The following ANO6 variants were observed in gnomAD, a reference collection of about 807,000 sequenced individuals.
The protein encoded by ANO6 is anoctamin 6, also known as anoctamin-6.
Under a neutral mutation model 117.5 loss-of-function variants are expected in ANO6, and 106 were observed. The ratio of observed to expected loss-of-function variants is 0.90; its 90% CI spans 0.77 to 1.06. ANO6 has a LOEUF of 1.06. ANO6 is among the 50% of genes least tolerant of loss of function. The pLI is 0.00. For missense variants in ANO6, 955 were observed against 1,121.1 expected, an observed-to-expected ratio of 0.85 and a Z score of 2.12; for synonymous variants, 367 against 385.1, an observed-to-expected ratio of 0.95 and a Z score of 0.55.
At chr12:45,333,409 G>C (rs1298678327) in intron 3 of ANO6, among the ~76,000 whole-genome samples, 1 of 151,936 alleles carries the variant, frequency 6.6e-6, no homozygotes, top group Non-Finnish European at 1.5e-5. Flanking sequence ...AATGGATCTG[G>C]ATTGAGCAAT....
At chr12:45,386,929 C>G (rs1294787912) in intron 10 of ANO6, among the ~76,000 whole-genome samples, 2 of 152,216 alleles carry the variant, frequency 1.3e-5, no homozygotes. Context: ...CCGAAACACC[C>G]AGTTAAATGT....
At chr12:45,350,910 GT>G in intron 7 of ANO6, 136 bp downstream of exon 7, 1 of 717,586 alleles carries the variant, frequency 1.4e-6, no homozygotes. Flanking sequence ...GTTGGCCAGG[GT>G]TTTTATTGAG....
intron 1 of ANO6, among the ~76,000 whole-genome samples, chr12:45,258,233 A>T (rs867398901): frequency 2.0e-5 from 3 of 152,338 alleles, no homozygotes; most frequent in Admixed American, 6.5e-5. Context: ...TGTATTCAGT[A>T]TAGTGCCTGA....
At chr12:45,234,641 G>A (rs951456642) in intron 1 of ANO6, among the ~76,000 whole-genome samples, 4 of 152,122 alleles carry the variant, frequency 2.6e-5, no homozygotes, top group Non-Finnish European at 5.9e-5. Flanking sequence ...TTTCGAGCCT[G>A]GTTTCCACTC....
intron 11 of ANO6, among the ~76,000 whole-genome samples, chr12:45,390,045 G>A (rs1032527201): frequency 6.6e-6 from 1 of 152,176 alleles, no homozygotes; most frequent in East Asian, 1.9e-4. Context: ...AGTATTTGCA[G>A]ACATCTAGGA....
At chr12:45,328,518 C>G (rs763088554) in intron 2 of ANO6, among the ~76,000 whole-genome samples, 65 of 152,228 alleles carry the variant, frequency 4.3e-4, no homozygotes, top group Admixed American at 9.8e-4. Context: ...TGCCTTGACT[C>G]TGATGCCTGA....
intron 8 of ANO6, 87 bp downstream of exon 8, chr12:45,357,511 C>T (rs1941444177): frequency 6.8e-7 from 1 of 1,474,348 alleles, no homozygotes; most frequent in Non-Finnish European, 9.4e-7. Context: ...TTTGGTAAGA[C>T]AAGACTGACT....
At position 45,359,045 on chromosome 12, in the gene ANO6, A is replaced by G. The variant is rs190745486; in HGVS notation, c.998+1621A>G. On this transcript the variant is annotated intron_variant, in intron 8 of 19. Transcript: ENST00000320560. ...GTGATCCGCCCGCCTCGGCCTCCCA[A>G]AGTGCTGGGATTACAGGCGTGAGCC... 7.8e-3 allele frequency among the ~76,000 whole-genome samples: 1,192 copies of G among 152,262 alleles called. 16 individuals are homozygous for G. The highest frequency in any genetic ancestry group is 0.028 in the African/African-American group (1,149 of 41,552).
At chr12:45,250,490 T>C (rs1190289117) in intron 1 of ANO6, among the ~76,000 whole-genome samples, 1 of 152,146 alleles carries the variant, frequency 6.6e-6, no homozygotes, top group East Asian at 1.9e-4. Flanking sequence ...ACTCCTGGGC[T>C]CAAGCATTCC....
chr12:45,274,943 G>A (rs1938506068), intron 1 of ANO6, among the ~76,000 whole-genome samples: 1 of 150,828 alleles, frequency 6.6e-6, no homozygotes, highest in South Asian at 2.1e-4. Context: ...CTGTTACTCT[G>A]TATCCTCTTA....
chr12:45,257,327 C>T (rs964566817), intron 1 of ANO6, among the ~76,000 whole-genome samples: 4 of 152,186 alleles, frequency 2.6e-5, no homozygotes, highest in Non-Finnish European at 4.4e-5. Flanking sequence ...CCAGCCTAAT[C>T]TCCTTGCTCA....
In ANO6 at chr12:45,243,998, A is replaced by C. The variant is rs145812765; in HGVS notation, c.70+27607A>C. Among the ~76,000 whole-genome samples the C allele has an allele frequency of 5.7e-4, 87 of 152,350 alleles. 1 individual carries two copies. The highest frequency in any genetic ancestry group is 1.9e-3 in the African/African-American group (81 of 41,574). On this transcript the variant is annotated intron_variant, in intron 1 of 19. Transcript: ENST00000320560. ...CATTTTCTCATGGTAACAGTGTACA[A>C]AGGGAAATTATACTAAGGGCTGTTT...
downstream of ANO6, among the ~76,000 whole-genome samples, chr12:45,437,024 C>A (rs1016061033): frequency 6.6e-6 from 1 of 152,140 alleles, no homozygotes; most frequent in African/African-American, 2.4e-5. Context: ...CAGGGTTATA[C>A]CTTAACCTTC....
chr12:45,439,702 C>T lies in ANO6; in HGVS notation c.2554C>T (p.His852Tyr), dbSNP rs182630390. 14 of 1,484,494 alleles carry T rather than the reference C, an allele frequency of 9.4e-6. No homozygotes were observed. In the Admixed American group the frequency reaches 2.8e-4, roughly 30 times the overall value. 92.0% of individuals were successfully genotyped at this position (1,484,494 alleles called of 1,614,324 possible). ...TCTCGCTTTGTTGCCCAGGCTGGGA[C>T]ACAGTGGCATGATCTTGGCTCACTG... Residue 852 changes from histidine (H) to tyrosine (Y), a missense_variant, in exon 20 of 20, where the codon CAC becomes TAC. Transcript: ENST00000425752.
intron 1 of ANO6, among the ~76,000 whole-genome samples, chr12:45,269,127 C>A (rs901222974): frequency 2.0e-5 from 3 of 152,194 alleles, no homozygotes; most frequent in African/African-American, 7.2e-5. Context: ...GGGCCAGCTT[C>A]TTAGCCACAG....
chr12:45,318,364 C>G (rs1351030016), intron 2 of ANO6, among the ~76,000 whole-genome samples: 2 of 152,194 alleles, frequency 1.3e-5, no homozygotes, highest in Admixed American at 1.3e-4. Context: ...TTCCCAGCAC[C>G]ATTTATTAAA....
chr12:45,320,606 G>T (rs1940228024), intron 2 of ANO6, among the ~76,000 whole-genome samples: 1 of 152,160 alleles, frequency 6.6e-6, no homozygotes. Context: ...TTGATTTGGG[G>T]TGGAGAGTTC....
intron 16 of ANO6, among the ~76,000 whole-genome samples, chr12:45,410,759 G>T (rs574675719): frequency 1.2e-4 from 19 of 152,330 alleles, no homozygotes; most frequent in Non-Finnish European, 2.1e-4. Context: ...CAAGTCTGCA[G>T]TTAGAAGGTG....
intron 1 of ANO6, among the ~76,000 whole-genome samples, chr12:45,280,868 T>TATA (rs1938704958): frequency 3.4e-5 from 5 of 145,466 alleles, no homozygotes; most frequent in South Asian, 2.5e-4. Context: ...ATATGTGTTT[T>TATA]TATATATATA....
Sources: gnomAD v4.1 joint callset for allele counts (sites outside exome capture counted in the v4.1 genomes callset) on GRCh38, gnomAD v4.1.1 for gene constraint, MANE v1.5 for transcripts, NCBI Gene and HGNC (gene_info 2026-07-23, HGNC 2026-07-21) for gene names.